The following LRRTM4 variants were observed in gnomAD, a reference collection of about 807,000 sequenced individuals.
The protein encoded by LRRTM4 is leucine rich repeat transmembrane neuronal 4, also known as leucine-rich repeat transmembrane neuronal protein 4.
LRRTM4 carries 25 observed loss-of-function variants against 47.6 expected under a neutral mutation model. The observed-to-expected ratio is 0.53, with a 90% CI of 0.38 to 0.73. The LOEUF (loss-of-function observed/expected upper bound fraction) is 0.73, where lower values mean the gene tolerates loss of function less well. Among genes scored for constraint, LRRTM4 ranks in the 30% least tolerant of loss-of-function variants. The pLI is 0.00. For synonymous variants in LRRTM4, 311 were observed against 269.5 expected, an observed-to-expected ratio of 1.15 and a Z score of -1.51; for missense variants, 638 against 713.4, an observed-to-expected ratio of 0.89 and a Z score of 1.20.
chr2:76,902,395 A>G (rs546622108), intron 3 of LRRTM4, among the ~76,000 whole-genome samples: 1 of 152,334 alleles, frequency 6.6e-6, no homozygotes, highest in South Asian at 2.1e-4. Flanking sequence ...TTGAAACATT[A>G]TAACATATTT....
Position 77,265,423 on chromosome 2 carries a change from C to T in LRRTM4, c.1551+252895G>A, listed in dbSNP as rs11895411. Among the ~76,000 whole-genome samples the T allele has an allele frequency of 3.4e-3, 513 of 152,116 alleles. 1 individual carries two copies. The highest frequency in any genetic ancestry group is 0.012 in the African/African-American group (485 of 41,524). ...GAGTCTTACAAAAGAATGAGCGTGG[C>T]ATTTTCTCTCACTCTCTTTCTCTCT... On this transcript the variant is annotated intron_variant, in intron 3 of 3. Transcript: ENST00000409884.
chr2:77,212,549 G>C, intron 3 of LRRTM4, among the ~76,000 whole-genome samples: 1 of 147,850 alleles, frequency 6.8e-6, no homozygotes, highest in Admixed American at 6.7e-5. Context: ...TTAATCTTGA[G>C]AATATATATA....
At chr2:77,210,859 G>A (rs1369351552) in intron 3 of LRRTM4, among the ~76,000 whole-genome samples, 5 of 152,008 alleles carry the variant, frequency 3.3e-5, no homozygotes, top group Non-Finnish European at 7.4e-5. Flanking sequence ...GACACATATG[G>A]AGCATGAACA....
At chr2:77,239,870 T>A (rs949286971) in intron 3 of LRRTM4, among the ~76,000 whole-genome samples, 1 of 151,788 alleles carries the variant, frequency 6.6e-6, no homozygotes, top group African/African-American at 2.4e-5. Flanking sequence ...AAAATCAGTA[T>A]AATCATGGAA....
intron 3 of LRRTM4, among the ~76,000 whole-genome samples, chr2:77,079,217 T>A (rs953081779): frequency 6.6e-6 from 1 of 152,220 alleles, no homozygotes; most frequent in African/African-American, 2.4e-5. Flanking sequence ...TATGACTATT[T>A]AACATTTCAA....
intron 3 of LRRTM4, among the ~76,000 whole-genome samples, chr2:77,392,742 C>T (rs186879098): frequency 6.6e-6 from 1 of 152,008 alleles, no homozygotes; most frequent in Non-Finnish European, 1.5e-5. Flanking sequence ...AGAAGATACT[C>T]CTCAAAGGAC....
chr2:77,387,222 T>C (rs1673313545), intron 3 of LRRTM4, among the ~76,000 whole-genome samples: 1 of 152,164 alleles, frequency 6.6e-6, no homozygotes, highest in Non-Finnish European at 1.5e-5. Context: ...ATGATAATAT[T>C]TGGTTAATTA....
chr2:77,222,366 C>A (rs999216001), intron 3 of LRRTM4, among the ~76,000 whole-genome samples: 7 of 152,038 alleles, frequency 4.6e-5, no homozygotes, highest in Non-Finnish European at 8.8e-5. Context: ...CAGAGCAGAA[C>A]TGAAGGAAAT....
intron 3 of LRRTM4, among the ~76,000 whole-genome samples, chr2:76,897,789 T>G (rs145122380): frequency 1.3e-5 from 2 of 152,284 alleles, no homozygotes; most frequent in African/African-American, 4.8e-5. Flanking sequence ...CAGTTAGGAT[T>G]GTTACTGGCT....
intron 3 of LRRTM4, among the ~76,000 whole-genome samples, chr2:76,910,489 A>G (rs1674013521): frequency 6.6e-6 from 1 of 152,172 alleles, no homozygotes; most frequent in Non-Finnish European, 1.5e-5. Context: ...TAAAACTTAA[A>G]GTATAATAAT....
At chr2:77,494,441 C>T (rs1465442000) in intron 3 of LRRTM4, among the ~76,000 whole-genome samples, 3 of 152,062 alleles carry the variant, frequency 2.0e-5, no homozygotes, top group Non-Finnish European at 2.9e-5. Flanking sequence ...AGTGGTCCCT[C>T]AATCCAGTTC....
intron 3 of LRRTM4, among the ~76,000 whole-genome samples, chr2:77,420,510 G>A (rs1675257188): frequency 6.6e-6 from 1 of 151,782 alleles, no homozygotes; most frequent in Admixed American, 6.6e-5. Flanking sequence ...TAGTATCATT[G>A]GGTATTAAAA....
intron 3 of LRRTM4, among the ~76,000 whole-genome samples, chr2:76,800,271 C>T (rs1675592686): frequency 6.7e-6 from 1 of 149,542 alleles, no homozygotes; most frequent in Admixed American, 6.7e-5. Context: ...ATCAATGGAA[C>T]AGAACAGAGC....
At chr2:76,904,136 C>A (rs1673738062) in intron 3 of LRRTM4, among the ~76,000 whole-genome samples, 1 of 152,186 alleles carries the variant, frequency 6.6e-6, no homozygotes, top group Non-Finnish European at 1.5e-5. Context: ...GTTCATGAAG[C>A]ATAGTATAAT....
intron 3 of LRRTM4, among the ~76,000 whole-genome samples, chr2:77,346,098 A>G (rs1671551170): frequency 1.3e-5 from 2 of 152,058 alleles, no homozygotes. Context: ...GAGTAAAATA[A>G]GCCATTCTCA....
intron 3 of LRRTM4, among the ~76,000 whole-genome samples, chr2:76,883,470 G>A (rs1573253272): frequency 6.6e-6 from 1 of 152,044 alleles, no homozygotes; most frequent in East Asian, 1.9e-4. Context: ...GGAATTTCTC[G>A]ATTTTGTAGC....
At chr2:76,989,972 T>C (rs1308879245) in intron 3 of LRRTM4, 1 of 151,768 alleles carries the variant, frequency 6.6e-6, no homozygotes, top group Non-Finnish European at 1.5e-5. Flanking sequence ...TCATATTATG[T>C]TTAAATATCT....
At chr2:76,813,266 A>G (rs984505616) in intron 3 of LRRTM4, among the ~76,000 whole-genome samples, 2 of 152,156 alleles carry the variant, frequency 1.3e-5, no homozygotes, top group Non-Finnish European at 2.9e-5. Context: ...CCACTGGGGA[A>G]TTGTTTATAG....
At chr2:76,800,141 C>G (rs1675582300) in intron 3 of LRRTM4, among the ~76,000 whole-genome samples, 1 of 148,154 alleles carries the variant, frequency 6.7e-6, no homozygotes, top group Non-Finnish European at 1.5e-5. Context: ...GCCCGCATCG[C>G]CAAGTCAATC....
Sources: allele counts gnomAD v4.1 joint callset (sites outside exome capture counted in the v4.1 genomes callset), GRCh38; gene constraint gnomAD v4.1.1; transcripts MANE v1.5; gene names NCBI Gene and HGNC (gene_info 2026-07-23, HGNC 2026-07-21).